DNAH8: variants seen among roughly 807,000 people sequenced by gnomAD.
DNAH8 encodes dynein axonemal heavy chain 8.
DNAH8 carries 382 observed loss-of-function variants against 562.1 expected under a neutral mutation model. The ratio of observed to expected loss-of-function variants is 0.68; its 90% confidence interval spans 0.63 to 0.74. The LOEUF is 0.74. DNAH8 is among the 30% of genes least tolerant of loss of function. The pLI is 0.00. For synonymous variants in DNAH8, 1,881 were observed against 1,919.4 expected (o/e 0.98, Z 0.52); for missense variants, 5,203 against 5,620.4 (o/e 0.93, Z 2.37).
chr6:38,783,188 T>G, intron 17 of DNAH8, 49 bp downstream of exon 17: 1 of 1,580,958 alleles, frequency 6.3e-7, no homozygotes. Context: ...TAGGTGATTT[T>G]GAATGAGTTC....
intron 91 of DNAH8, among the ~76,000 whole-genome samples, chr6:39,021,566 G>A (rs2235870): frequency 0.53 from 80,994 of 152,094 alleles, 23,596 homozygotes; most frequent in Non-Finnish European, 0.66. Context: ...TTTATTCAAC[G>A]GGGTTGACCA....
In DNAH8 at chr6:38,836,487, AAAC is replaced by A. The variant is rs1294502428; in HGVS notation, c.4366-1440_4366-1438del. Among the ~76,000 whole-genome samples the A allele has an allele frequency of 2.4e-3, 357 of 149,492 alleles. 2 individuals carry two copies. The highest frequency in any genetic ancestry group is 8.0e-3 in the African/African-American group (325 of 40,582). On this transcript the variant is annotated intron_variant, in intron 32 of 92. Transcript: ENST00000327475. ...ACAACAACAACAAAAAAACCCAACA[AAAC>A]AACAACAACAACAAAAAAACCATCT...
intron 64 of DNAH8, among the ~76,000 whole-genome samples, chr6:38,908,429 T>C (rs1022017652): frequency 2.0e-5 from 3 of 152,228 alleles, no homozygotes; most frequent in Non-Finnish European, 4.4e-5. Flanking sequence ...TGTAGACATA[T>C]TAGCTTTACT....
chr6:38,851,143 C>T (rs926569388), intron 38 of DNAH8, among the ~76,000 whole-genome samples: 4 of 152,112 alleles, frequency 2.6e-5, no homozygotes, highest in African/African-American at 9.7e-5. Context: ...TTTTCAATCT[C>T]TATTTGAAAT....
chr6:38,723,696 A>G (rs1417829243), intron 3 of DNAH8, among the ~76,000 whole-genome samples: 1 of 151,932 alleles, frequency 6.6e-6, no homozygotes, highest in Non-Finnish European at 1.5e-5. Flanking sequence ...GCAACATAGC[A>G]AAACTCCTGT....
Position 38,868,172 on chromosome 6 carries a change from A to G in DNAH8, c.6804A>G (p.Leu2268=). The part of the protein sequence containing the change: ...DSELSIVMRG[L]RDMNLSKLVD... The stretch of plus-strand genomic sequence containing the variant: ...AATTAAGCATTGTCATGAGAGGACT[A>G]AGAGATATGAACCTTTCCAAACTGG... The change falls in exon 48 of 93, where the codon CTA becomes CTG. Residue 2268 remains leucine, a synonymous_variant. Coordinates refer to ENST00000327475, the MANE Select transcript of DNAH8 (RefSeq NM_001206927.2). The G allele has an allele frequency of 1.2e-6, 2 of 1,612,346 alleles. No individual in the cohort carries two copies. Among genetic ancestry groups the G allele is most frequent in the Admixed American group, 1.7e-5 (1 of 59,602 alleles).
chr6:38,923,502 T>C (rs117361437), intron 72 of DNAH8: 1 of 209,524 alleles, frequency 4.8e-6, no homozygotes, highest in African/African-American at 2.3e-5. Context: ...TGGTTTGTTG[T>C]GGATCAATGG....
Position 38,938,034 on chromosome 6 carries a change from C to T in DNAH8, c.11624C>T (p.Ala3875Val), listed in dbSNP as rs1449564807. ...CTTCGAACTACCAAGCAGACAGCAGCTGAGGTAAGTGAAAAGTTGCATGTG... is the reference window on the plus strand; with the variant it reads ...CTTCGAACTACCAAGCAGACAGCAGTTGAGGTAAGTGAAAAGTTGCATGTG... Reference protein sequence around the residue: ...GVLRTTKQTAAEVSEKLHVAA... With the variant: ...GVLRTTKQTAVEVSEKLHVAA... Residue 3875 changes from alanine (A) to valine (V), a missense_variant, in exon 78 of 93, where the codon GCT (alanine) becomes GTT (valine). By Grantham distance (64) the Ala-to-Val change is moderately conservative. Coordinates refer to ENST00000327475, the MANE Select transcript of DNAH8 (RefSeq NM_001206927.2). The T allele has an allele frequency of 6.2e-7, 1 of 1,613,896 alleles. No homozygotes were observed. The highest frequency in any genetic ancestry group is 8.5e-7 in the Non-Finnish European group (1 of 1,180,018).
intron 26 of DNAH8, among the ~76,000 whole-genome samples, chr6:38,816,225 C>T (rs2150322405): frequency 6.6e-6 from 1 of 152,238 alleles, no homozygotes; most frequent in Admixed American, 6.5e-5. Context: ...CTGATGCTCT[C>T]CCTCCCTTCA....
chr6:39,026,213 T>C (rs1000518221), intron 91 of DNAH8, among the ~76,000 whole-genome samples: 2 of 152,236 alleles, frequency 1.3e-5, no homozygotes, highest in Admixed American at 1.3e-4. Flanking sequence ...CAATATTATA[T>C]TTTCAAATAG....
At chr6:38,895,362 C>A (rs16891230) in intron 59 of DNAH8, among the ~76,000 whole-genome samples, 1 of 152,200 alleles carries the variant, frequency 6.6e-6, no homozygotes, top group East Asian at 1.9e-4. Context: ...AATGCTCTGC[C>A]GATTTATTCC....
At chr6:38,963,071 TA>T (rs922264691) in intron 82 of DNAH8, among the ~76,000 whole-genome samples, 1 of 151,986 alleles carries the variant, frequency 6.6e-6, no homozygotes, top group African/African-American at 2.4e-5. Flanking sequence ...AAATCACCAC[TA>T]AAAATCTTAT....
intron 87 of DNAH8, among the ~76,000 whole-genome samples, chr6:38,987,304 C>A (rs751325947): frequency 2.6e-5 from 4 of 152,186 alleles, no homozygotes; most frequent in Non-Finnish European, 5.9e-5. Context: ...TCCTGCCTTT[C>A]TTCCTCTTCT....
chr6:38,746,674 AT>A (rs1764964733), intron 8 of DNAH8, among the ~76,000 whole-genome samples: 1 of 152,098 alleles, frequency 6.6e-6, no homozygotes, highest in African/African-American at 2.4e-5. Flanking sequence ...CACGCCTGTA[AT>A]CCCAGCACTT....
intron 32 of DNAH8, 85 bp downstream of exon 32, chr6:38,834,726 AG>A: frequency 9.2e-7 from 1 of 1,085,060 alleles, no homozygotes; most frequent in Non-Finnish European, 1.4e-6. Flanking sequence ...ACTTTTTAAT[AG>A]AAAAGTTTGT....
At chr6:38,938,429 T>C (rs1209544119) in intron 78 of DNAH8, among the ~76,000 whole-genome samples, 1 of 152,198 alleles carries the variant, frequency 6.6e-6, no homozygotes, top group Non-Finnish European at 1.5e-5. Context: ...AATGAACTCA[T>C]GTCCTTTGCA....
chr6:39,017,352 T>C (rs888447897), intron 91 of DNAH8, among the ~76,000 whole-genome samples: 3 of 152,212 alleles, frequency 2.0e-5, no homozygotes, highest in African/African-American at 7.2e-5. Flanking sequence ...GTCTGTGCTG[T>C]GTGTGGGGAT....
At chr6:38,845,256 A>G (rs973711847) in intron 35 of DNAH8, among the ~76,000 whole-genome samples, 3 of 152,352 alleles carry the variant, frequency 2.0e-5, no homozygotes, top group Admixed American at 2.0e-4. Context: ...TGGGATAAAC[A>G]GGGCAGCTGT....
intron 19 of DNAH8, 56 bp from the exon 20 acceptor site, chr6:38,790,233 A>G (rs767573372): frequency 1.4e-5 from 13 of 910,682 alleles, no homozygotes; most frequent in South Asian, 9.8e-5. Context: ...ATCCTCTTCT[A>G]TAAGTGCAGA....
Sources: allele counts gnomAD v4.1 joint callset (sites outside exome capture counted in the v4.1 genomes callset), GRCh38; gene constraint gnomAD v4.1.1; transcripts MANE v1.5; gene names NCBI Gene and HGNC (gene_info 2026-07-23, HGNC 2026-07-21).